Variants in DGKB observed in about 807,000 individuals in gnomAD.
The protein encoded by DGKB is 90 kDa diacylglycerol kinase.
DGKB carries 67 observed loss-of-function variants against 114.3 expected under a neutral mutation model. The ratio of observed to expected loss-of-function variants is 0.59; its 90% CI spans 0.48 to 0.72. The LOEUF (loss-of-function observed/expected upper bound fraction) is 0.72. Ranked by LOEUF, DGKB falls within the 30% of genes least tolerant of loss-of-function variation. The probability of loss-of-function intolerance (pLI) is 0.00; values close to 1 mark genes in which losing one functional copy is unlikely to be tolerated. For synonymous variants in DGKB, 398 were observed against 323.1 expected (o/e 1.23, Z -2.49); for missense variants, 907 against 975.2 (o/e 0.93, Z 0.93).
At chr7:14,271,605 C>G (rs1032184927) in intron 23 of DGKB, among the ~76,000 whole-genome samples, 13 of 152,052 alleles carry the variant, frequency 8.5e-5, no homozygotes, top group African/African-American at 3.1e-4. Flanking sequence ...CTTTGAGGGG[C>G]AAGGGAAGCA....
intron 13 of DGKB, among the ~76,000 whole-genome samples, chr7:14,649,873 C>T (rs1236636648): frequency 7.2e-6 from 1 of 138,666 alleles, no homozygotes; most frequent in Non-Finnish European, 1.5e-5. Context: ...AGACTTTAAA[C>T]CAACAAAGAT....
intron 23 of DGKB, among the ~76,000 whole-genome samples, chr7:14,299,915 A>C (rs559177773): frequency 1.3e-5 from 2 of 149,046 alleles, no homozygotes; most frequent in South Asian, 2.1e-4. Context: ...GCAAAACACA[A>C]AAAAAATACA....
intron 5 of DGKB, among the ~76,000 whole-genome samples, chr7:14,732,470 G>C (rs981225057): frequency 6.6e-6 from 1 of 151,820 alleles, no homozygotes; most frequent in Non-Finnish European, 1.5e-5. Flanking sequence ...CAGTTTCTGA[G>C]TCAAGGCTAC....
At chr7:14,730,997 A>T (rs1009225592) in intron 5 of DGKB, among the ~76,000 whole-genome samples, 1 of 152,200 alleles carries the variant, frequency 6.6e-6, no homozygotes, top group Non-Finnish European at 1.5e-5. Flanking sequence ...GAGCCTGCTA[A>T]TTGATAGTTT....
At position 14,722,078 on chromosome 7, in the gene DGKB, G is replaced by A. The variant is rs188883935; in HGVS notation, c.323-3393C>T. 1.4e-4 allele frequency among the ~76,000 whole-genome samples: 21 copies of A among 152,246 alleles called. 1 individual carries two copies. The East Asian group carries it at 3.3e-3, about 24-fold the overall frequency. On this transcript the variant is annotated intron_variant, in intron 5 of 25. Coordinates refer to ENST00000402815, the MANE Select transcript of DGKB (RefSeq NM_001350709.2). ...CCAACATTCTCCACCAAAGTAGTAC[G>A]TTAGTTACAACTGGTTAAACTACAT...
intron 5 of DGKB, among the ~76,000 whole-genome samples, chr7:14,732,050 A>G (rs571354120): frequency 6.6e-6 from 1 of 152,262 alleles, no homozygotes; most frequent in African/African-American, 2.4e-5. Flanking sequence ...ACAGTCAAAC[A>G]AAACCCAGCT....
intron 2 of DGKB, among the ~76,000 whole-genome samples, chr7:14,784,790 C>G (rs1383501300): frequency 1.3e-5 from 2 of 150,510 alleles, no homozygotes; most frequent in African/African-American, 2.4e-5. Flanking sequence ...CCAGGGCAAC[C>G]TGGCTTCATT....
At chr7:14,647,155 G>A (rs970730693) in intron 13 of DGKB, among the ~76,000 whole-genome samples, 1 of 151,910 alleles carries the variant, frequency 6.6e-6, no homozygotes, top group Non-Finnish European at 1.5e-5. Context: ...TAAATACAAA[G>A]GATCATTAGA....
At chr7:14,695,642 G>A (rs1281856301) in intron 8 of DGKB, among the ~76,000 whole-genome samples, 1 of 151,818 alleles carries the variant, frequency 6.6e-6, no homozygotes, top group Non-Finnish European at 1.5e-5. Context: ...TGGGACTACA[G>A]GCGTCCGCCA....
intron 23 of DGKB, among the ~76,000 whole-genome samples, chr7:14,203,560 A>T (rs1159397834): frequency 1.3e-5 from 2 of 151,974 alleles, no homozygotes; most frequent in African/African-American, 2.4e-5. Flanking sequence ...GAGGTGAATA[A>T]ATCTGCAAGC....
intron 1 of DGKB, among the ~76,000 whole-genome samples, chr7:14,938,608 C>A (rs961222692): frequency 1.5e-5 from 2 of 134,534 alleles, no homozygotes; most frequent in East Asian, 3.9e-4. Flanking sequence ...TTATTCTTTT[C>A]TTTCTTTCTT....
At chr7:14,471,991 C>T (rs1288648112) in intron 21 of DGKB, among the ~76,000 whole-genome samples, 1 of 152,064 alleles carries the variant, frequency 6.6e-6, no homozygotes, top group Non-Finnish European at 1.5e-5. Context: ...AGACCAGATA[C>T]TTTGAAATAA....
At chr7:14,269,697 T>C (rs1798011070) in intron 23 of DGKB, among the ~76,000 whole-genome samples, 1 of 152,194 alleles carries the variant, frequency 6.6e-6, no homozygotes, top group South Asian at 2.1e-4. Flanking sequence ...ACAACCAGAA[T>C]GGAATTGCAG....
intron 2 of DGKB, among the ~76,000 whole-genome samples, chr7:14,801,819 C>G (rs1842184264): frequency 1.3e-5 from 2 of 151,780 alleles, no homozygotes; most frequent in Non-Finnish European, 2.9e-5. Context: ...CTCTCTCTCC[C>G]CCCGATATAT....
chr7:14,760,970 C>T (rs1835598806), intron 2 of DGKB, among the ~76,000 whole-genome samples: 1 of 152,088 alleles, frequency 6.6e-6, no homozygotes, highest in Non-Finnish European at 1.5e-5. Flanking sequence ...ATATGACTGC[C>T]CTTTCCATGA....
chr7:14,535,882 G>A, intron 20 of DGKB, among the ~76,000 whole-genome samples: 1 of 151,982 alleles, frequency 6.6e-6, no homozygotes, highest in Non-Finnish European at 1.5e-5. Flanking sequence ...ACTGCACCTG[G>A]CCTGTTTTTT....
intron 23 of DGKB, among the ~76,000 whole-genome samples, chr7:14,306,100 T>G (rs1010102895): frequency 6.6e-6 from 1 of 152,132 alleles, no homozygotes; most frequent in African/African-American, 2.4e-5. Context: ...AATAAGATTT[T>G]TAAGTTCATT....
At chr7:14,409,171 T>A (rs1212444650) in intron 21 of DGKB, among the ~76,000 whole-genome samples, 1 of 152,104 alleles carries the variant, frequency 6.6e-6, no homozygotes, top group Non-Finnish European at 1.5e-5. Context: ...GCCATTGTGG[T>A]GGGCTCAAGT....
At chr7:14,545,042 C>G (rs966542691) in intron 20 of DGKB, among the ~76,000 whole-genome samples, 2 of 151,844 alleles carry the variant, frequency 1.3e-5, no homozygotes, top group Non-Finnish European at 2.9e-5. Flanking sequence ...TACTTGCTAC[C>G]ATATCCTCTT....
Sources: allele counts gnomAD v4.1 joint callset (sites outside exome capture counted in the v4.1 genomes callset), GRCh38; gene constraint gnomAD v4.1.1; transcripts MANE v1.5; gene names NCBI Gene and HGNC (gene_info 2026-07-23, HGNC 2026-07-21).